Variants in MYO16 observed in about 807,000 individuals in gnomAD.
MYO16 encodes unconventional myosin-XVI.
In MYO16, 94 loss-of-function variants were observed where a neutral mutation model predicts 205.3. The observed-to-expected ratio is 0.46, with a 90% CI of 0.39 to 0.54. MYO16 has a LOEUF of 0.54. Ranked by LOEUF, MYO16 falls within the 20% of genes least tolerant of loss-of-function variation. The pLI is 0.00. For synonymous variants in MYO16, 988 were observed against 954.0 expected (o/e 1.04, Z -0.66); for missense variants, 2,315 against 2,387.5 (o/e 0.97, Z 0.63).
chr13:109,061,262 G>A (rs376715066), intron 27 of MYO16, among the ~76,000 whole-genome samples: 3 of 152,172 alleles, frequency 2.0e-5, no homozygotes, highest in East Asian at 1.9e-4. Flanking sequence ...TCTTACATTC[G>A]TGTGCCCACA....
intron 27 of MYO16, among the ~76,000 whole-genome samples, chr13:109,056,472 G>A (rs148652380): frequency 6.6e-6 from 1 of 152,154 alleles, no homozygotes; most frequent in African/African-American, 2.4e-5. Context: ...TTGGTTGATG[G>A]GTAGTAACTT....
chr13:108,564,845 G>T, the MYO16 span, among the ~76,000 whole-genome samples: 1 of 152,154 alleles, frequency 6.6e-6, no homozygotes, highest in African/African-American at 2.4e-5. Context: ...AAAGATGGGG[G>T]TCAAGTTTCA....
intron 20 of MYO16, among the ~76,000 whole-genome samples, chr13:108,992,103 C>T (rs1330399295): frequency 1.3e-5 from 2 of 152,070 alleles, no homozygotes; most frequent in African/African-American, 2.4e-5. Context: ...GGTCTAATAT[C>T]CAGCATCTAT....
At chr13:109,022,836 A>AT (rs200376945) in intron 23 of MYO16, among the ~76,000 whole-genome samples, 1,992 of 134,648 alleles carry the variant, frequency 0.015, 60 homozygotes, top group African/African-American at 0.053. Context: ...ATATAAACAT[A>AT]GTATATATTT....
At chr13:109,192,670 T>C (rs1405324437) in intron 34 of MYO16, among the ~76,000 whole-genome samples, 2 of 152,130 alleles carry the variant, frequency 1.3e-5, no homozygotes, top group Non-Finnish European at 2.9e-5. Flanking sequence ...CTTGACTATC[T>C]TCTATGACCT....
At chr13:108,695,439 T>G (rs1469931148) in intron 2 of MYO16, among the ~76,000 whole-genome samples, 1 of 152,196 alleles carries the variant, frequency 6.6e-6, no homozygotes, top group Non-Finnish European at 1.5e-5. Flanking sequence ...TTACAATAAG[T>G]TTTGAAATCA....
At chr13:108,752,127 C>A (rs1885256032) in intron 4 of MYO16, among the ~76,000 whole-genome samples, 2 of 152,112 alleles carry the variant, frequency 1.3e-5, no homozygotes, top group Admixed American at 6.5e-5. Context: ...TTCACAATTT[C>A]TTTTCAAGTT....
chr13:109,023,376 A>G (rs1886182957), intron 23 of MYO16, among the ~76,000 whole-genome samples: 1 of 74,954 alleles, frequency 1.3e-5, no homozygotes, highest in Non-Finnish European at 2.3e-5. Context: ...ATATATTTAT[A>G]TATTATACAG....
At chr13:108,538,811 C>T in the MYO16 span, among the ~76,000 whole-genome samples, 1 of 152,082 alleles carries the variant, frequency 6.6e-6, no homozygotes, top group Non-Finnish European at 1.5e-5. Flanking sequence ...TCTCACATGG[C>T]ACTCTAACAT....
intron 1 of MYO16, among the ~76,000 whole-genome samples, chr13:108,634,772 G>C (rs1880149570): frequency 6.6e-6 from 1 of 152,192 alleles, no homozygotes; most frequent in Admixed American, 6.5e-5. Context: ...TTCACTAGCA[G>C]CTTTTCCTCC....
chr13:109,199,118 A>T (rs1236626556), intron 34 of MYO16, among the ~76,000 whole-genome samples: 1 of 148,046 alleles, frequency 6.8e-6, no homozygotes, highest in African/African-American at 2.5e-5. Flanking sequence ...ATCAAAGGTT[A>T]ATTAACTTGT....
chr13:108,913,959 C>G (rs1881375819), intron 16 of MYO16, among the ~76,000 whole-genome samples: 1 of 152,042 alleles, frequency 6.6e-6, no homozygotes, highest in South Asian at 2.1e-4. Flanking sequence ...TGGCACTTCC[C>G]TTTTTTTGTC....
intron 1 of MYO16, among the ~76,000 whole-genome samples, chr13:108,661,309 T>C (rs1167095088): frequency 6.6e-6 from 1 of 152,154 alleles, no homozygotes; most frequent in Non-Finnish European, 1.5e-5. Context: ...TTGTGCTTCT[T>C]CTATTTAGAT....
At chr13:108,821,910 A>G (rs1482862684) in intron 8 of MYO16, among the ~76,000 whole-genome samples, 1 of 152,140 alleles carries the variant, frequency 6.6e-6, no homozygotes, top group Admixed American at 6.6e-5. Flanking sequence ...CCCATAATAG[A>G]TCCTCAGTAA....
rs541070673 is a variant in MYO16 at position 108,923,207 on chromosome 13, C to T, written c.1925+13057C>T. ...TGAGCCCCTGAAGACCTGGGGGCTG[C>T]GTGTATCCATCTTGTGCCCCAGTCC... On this transcript the variant is annotated intron_variant, in intron 16 of 34. Coordinates refer to ENST00000457511, the MANE Select transcript of MYO16 (RefSeq NM_001198950.3). 4.6e-5 allele frequency among the ~76,000 whole-genome samples: 7 copies of T among 152,306 alleles called. No individual in the cohort carries two copies. In the Middle Eastern group the frequency reaches 0.01, roughly 222 times the overall value.
In MYO16 at chr13:108,992,297, T is replaced by G; in HGVS notation, c.2370-79T>G. On this transcript the variant is annotated intron_variant, in intron 20 of 34. Coordinates refer to ENST00000457511, the MANE Select transcript of MYO16 (RefSeq NM_001198950.3). ...GCAATGTGCTAAGTGGCTGGATTCT[T>G]CTGACCTGAATAATGAAAAGAGGGT... 3 of 1,030,260 alleles carry G rather than the reference T, an allele frequency of 2.9e-6. No homozygotes were observed. The South Asian group carries it at 4.7e-5, about 16-fold the overall frequency. 63.8% of individuals were successfully genotyped at this position (1,030,260 alleles called of 1,614,324 possible). A position where few individuals can be genotyped will look rare whatever the true frequency, so the allele number is the denominator to read the frequency against.
intron 23 of MYO16, among the ~76,000 whole-genome samples, chr13:109,022,173 ATATT>A (rs1354536581): frequency 4.3e-5 from 6 of 140,824 alleles, no homozygotes; most frequent in Admixed American, 7.4e-5. Context: ...ATACAAATAT[ATATT>A]TATATATTAT....
chr13:108,932,675 T>C (rs1029273414), intron 16 of MYO16, among the ~76,000 whole-genome samples: 2 of 152,192 alleles, frequency 1.3e-5, no homozygotes, highest in Admixed American at 1.3e-4. Flanking sequence ...ATAAGTTTCC[T>C]TGTTGTCTGG....
chr13:108,535,291 A>G, the MYO16 span, among the ~76,000 whole-genome samples: 1 of 152,214 alleles, frequency 6.6e-6, no homozygotes, highest in Admixed American at 6.5e-5. Context: ...AAACAAACAA[A>G]AAAACAACAT....
Sources: allele counts gnomAD v4.1 joint callset (sites outside exome capture counted in the v4.1 genomes callset), GRCh38; gene constraint gnomAD v4.1.1; transcripts MANE v1.5; gene names NCBI Gene and HGNC (gene_info 2026-07-23, HGNC 2026-07-21).